CNTN5: variants seen among roughly 807,000 people sequenced by gnomAD.
CNTN5 encodes contactin-5.
Under a neutral mutation model 129.1 loss-of-function variants are expected in CNTN5, and 77 were observed. The observed-to-expected ratio is 0.60, with a 90% CI of 0.50 to 0.72. CNTN5 has a LOEUF of 0.72. CNTN5 is among the 30% of genes least tolerant of loss of function. The pLI, the probability that CNTN5 is intolerant of heterozygous loss-of-function variation, is 0.00. For missense variants in CNTN5, 1,478 were observed against 1,328.8 expected (o/e 1.11, Z -1.75); for synonymous variants, 509 against 465.6 (o/e 1.09, Z -1.20).
intron 8 of CNTN5, among the ~76,000 whole-genome samples, chr11:99,969,108 C>T (rs997576933): frequency 4.0e-5 from 6 of 150,878 alleles, no homozygotes; most frequent in African/African-American, 1.4e-4. Context: ...ACTTAAAAAA[C>T]AACTTGAATT....
rs183524844 is a variant in CNTN5, at chr11:99,960,589, T to C, written c.877+3580T>C. Among the ~76,000 whole-genome samples the C allele has an allele frequency of 3.0e-3, 453 of 152,294 alleles. 2 individuals carry two copies. The highest frequency in any genetic ancestry group is 5.5e-3 in the Non-Finnish European group (372 of 68,024). On this transcript the variant is annotated intron_variant, in intron 8 of 24. Transcript: ENST00000524871. Reference sequence around the variant, plus strand: ...ACTAACTGAAACTTTGAATTAAATATAACCTAAAGAAAAATAAGGCTAATA... The same window carrying C: ...ACTAACTGAAACTTTGAATTAAATACAACCTAAAGAAAAATAAGGCTAATA...
chr11:99,475,160 G>A (rs1170832257), intron 2 of CNTN5, among the ~76,000 whole-genome samples: 1 of 151,970 alleles, frequency 6.6e-6, no homozygotes. Context: ...GACCATGTAA[G>A]ATCCACCCTC....
At chr11:100,101,166 C>T (rs575912654) in intron 13 of CNTN5, among the ~76,000 whole-genome samples, 15 of 152,180 alleles carry the variant, frequency 9.9e-5, no homozygotes, top group African/African-American at 2.6e-4. Context: ...TGGAGATTTG[C>T]ATCAACTTGA....
At position 100,349,641 on chromosome 11, in the gene CNTN5, C is replaced by A. The variant is rs577541216; in HGVS notation, c.3031-1061C>A. The stretch of plus-strand genomic sequence containing the variant: ...TGTTTTGTAGGAAACTGTTTCATAT[C>A]CAGATCTGTATGAATACAAAGCCAT... On this transcript the variant is annotated intron_variant, in intron 23 of 24. Transcript: ENST00000524871. Among the ~76,000 whole-genome samples, 3 of 151,870 alleles carry A rather than the reference C, an allele frequency of 2.0e-5. No individual in the cohort carries two copies. In the South Asian group the frequency reaches 6.2e-4, roughly 31 times the overall value.
intron 4 of CNTN5, among the ~76,000 whole-genome samples, chr11:99,833,377 T>A (rs902528954): frequency 2.0e-5 from 3 of 152,150 alleles, no homozygotes; most frequent in Non-Finnish European, 2.9e-5. Flanking sequence ...GGTGTGAAAG[T>A]GATATGCATT....
intron 2 of CNTN5, among the ~76,000 whole-genome samples, chr11:99,402,777 TTC>T (rs1309639363): frequency 6.6e-6 from 1 of 152,160 alleles, no homozygotes; most frequent in East Asian, 1.9e-4. Context: ...GGTTTTGGAT[TTC>T]TCTGTAGTTC....
intron 3 of CNTN5, among the ~76,000 whole-genome samples, chr11:99,671,077 GCTTT>G (rs1336606100): frequency 6.6e-6 from 1 of 150,474 alleles, no homozygotes; most frequent in Non-Finnish European, 1.5e-5. Context: ...GCTCTCTCTC[GCTTT>G]CTTGTGAGTT....
chr11:100,069,141 A>C (rs1393869204), intron 10 of CNTN5, among the ~76,000 whole-genome samples: 13 of 151,852 alleles, frequency 8.6e-5, no homozygotes, highest in African/African-American at 2.2e-4. Flanking sequence ...ATGCATGTGT[A>C]GTTTTCTTTA....
intron 1 of CNTN5, among the ~76,000 whole-genome samples, chr11:99,272,486 C>G (rs569179396): frequency 6.6e-6 from 1 of 151,710 alleles, no homozygotes; most frequent in African/African-American, 2.4e-5. Flanking sequence ...TCGAACAATC[C>G]TCCCATCATA....
chr11:99,189,770 T>G (rs2135588113), intron 1 of CNTN5, among the ~76,000 whole-genome samples: 1 of 151,742 alleles, frequency 6.6e-6, no homozygotes, highest in South Asian at 2.1e-4. Context: ...TTTTTGCTGT[T>G]GAGTTTTTTG....
At chr11:99,032,263 G>A (rs1863430305) in intron 1 of CNTN5, among the ~76,000 whole-genome samples, 1 of 151,886 alleles carries the variant, frequency 6.6e-6, no homozygotes, top group African/African-American at 2.4e-5. Flanking sequence ...ATGATTTATA[G>A]TCCTTTGGGT....
intron 7 of CNTN5, among the ~76,000 whole-genome samples, chr11:99,938,543 A>T (rs1950365596): frequency 6.6e-6 from 1 of 152,116 alleles, no homozygotes; most frequent in Non-Finnish European, 1.5e-5. Flanking sequence ...GAATTATTTT[A>T]AGCCATGGTA....
intron 21 of CNTN5, among the ~76,000 whole-genome samples, chr11:100,328,656 C>T (rs1305174093): frequency 6.6e-6 from 1 of 152,146 alleles, no homozygotes; most frequent in Non-Finnish European, 1.5e-5. Context: ...GGAAATCTGT[C>T]CCCATGATCT....
At chr11:99,137,573 G>A (rs1404407037) in intron 1 of CNTN5, among the ~76,000 whole-genome samples, 1 of 152,138 alleles carries the variant, frequency 6.6e-6, no homozygotes, top group Non-Finnish European at 1.5e-5. Flanking sequence ...TTTTATTAAA[G>A]TGAATTTTTT....
intron 13 of CNTN5, among the ~76,000 whole-genome samples, chr11:100,145,307 C>T (rs939598036): frequency 2.0e-5 from 3 of 152,130 alleles, no homozygotes; most frequent in Non-Finnish European, 4.4e-5. Context: ...CCACCAACCA[C>T]CAATTATATA....
intron 3 of CNTN5, among the ~76,000 whole-genome samples, chr11:99,579,975 G>T (rs1949513484): frequency 6.6e-6 from 1 of 151,056 alleles, no homozygotes. Context: ...GTTTGTCATA[G>T]ATAGCTCTTA....
At chr11:99,061,108 A>G (rs573588383) in intron 1 of CNTN5, among the ~76,000 whole-genome samples, 2 of 152,132 alleles carry the variant, frequency 1.3e-5, no homozygotes, top group Admixed American at 6.6e-5. Context: ...GAATTGTCCA[A>G]TCCACCACTA....
intron 3 of CNTN5, among the ~76,000 whole-genome samples, chr11:99,563,274 C>T (rs954794653): frequency 6.6e-6 from 1 of 152,080 alleles, no homozygotes; most frequent in Admixed American, 6.6e-5. Flanking sequence ...AGCGTTACGG[C>T]AGTGAGTTGT....
intron 2 of CNTN5, among the ~76,000 whole-genome samples, chr11:99,332,763 A>C (rs1235089017): frequency 6.6e-6 from 1 of 152,044 alleles, no homozygotes; most frequent in African/African-American, 2.4e-5. Flanking sequence ...CCCTGCAGCT[A>C]ATGTATGGTA....
Sources: gnomAD v4.1 joint callset for allele counts (sites outside exome capture counted in the v4.1 genomes callset) on GRCh38, gnomAD v4.1.1 for gene constraint, MANE v1.5 for transcripts, NCBI Gene and HGNC (gene_info 2026-07-23, HGNC 2026-07-21) for gene names.